The following ITPR1 variants were observed in gnomAD, a reference collection of about 807,000 sequenced individuals.
ITPR1 encodes inositol 1,4,5-trisphosphate receptor type 1.
Under a neutral mutation model 318.4 loss-of-function variants are expected in ITPR1, and 96 were observed. That is an observed-to-expected ratio of 0.30 (90% confidence interval 0.26 to 0.36). The LOEUF is 0.36. Among genes scored for constraint, ITPR1 ranks in the 10% least tolerant of loss-of-function variants. ITPR1 has a pLI of 1.00. For synonymous variants in ITPR1, 1,312 were observed against 1,289.9 expected (o/e 1.02, Z -0.37); for missense variants, 2,440 against 3,460.2 (o/e 0.71, Z 7.40).
At chr3:4,504,303 G>A (rs529358610) in intron 2 of ITPR1, among the ~76,000 whole-genome samples, 6 of 152,082 alleles carry the variant, frequency 3.9e-5, no homozygotes, top group African/African-American at 7.2e-5. Context: ...TGTGTGTTGC[G>A]GCGGGGGGAA....
chr3:4,695,774 C>T (rs911863676), intron 33 of ITPR1, among the ~76,000 whole-genome samples: 1 of 152,124 alleles, frequency 6.6e-6, no homozygotes, highest in Non-Finnish European at 1.5e-5. Context: ...TTGGAGCATT[C>T]CTTTCTATTG....
intron 4 of ITPR1, among the ~76,000 whole-genome samples, chr3:4,550,467 G>T (rs2085456532): frequency 6.6e-6 from 1 of 152,172 alleles, no homozygotes; most frequent in South Asian, 2.1e-4. Context: ...AATGATTGCA[G>T]ACTATTGTTA....
Position 4,667,238 on chromosome 3 carries a change from A to G in ITPR1, c.1714-139A>G, listed in dbSNP as rs565403216. ...CTGTTGCCCTAGGATAGAAAGTTGT[A>G]GGAAGACCCTCCCTTATACTGTAAT... On this transcript the variant is annotated intron_variant, in intron 17 of 61. Coordinates refer to ENST00000649015, the MANE Select transcript of ITPR1 (RefSeq NM_001378452.1). 32 of 539,532 alleles carry G rather than the reference A, an allele frequency of 5.9e-5. 1 individual carries two copies. Among genetic ancestry groups the G allele is most frequent in the East Asian group, 2.0e-4 (6 of 30,574 alleles). 33.4% of individuals were successfully genotyped at this position (539,532 alleles called of 1,614,324 possible). A position where few individuals can be genotyped will look rare whatever the true frequency, so the allele number is the denominator to read the frequency against.
chr3:4,637,653 G>A (rs1246650352), intron 5 of ITPR1, among the ~76,000 whole-genome samples: 1 of 152,190 alleles, frequency 6.6e-6, no homozygotes, highest in Non-Finnish European at 1.5e-5. Context: ...GTTTTAAAGA[G>A]CTGATACAGA....
chr3:4,721,694 T>C (rs956751628), intron 40 of ITPR1, among the ~76,000 whole-genome samples: 3 of 152,150 alleles, frequency 2.0e-5, no homozygotes, highest in African/African-American at 7.2e-5. Flanking sequence ...TTGCATTCGG[T>C]TTCTATCAGG....
intron 2 of ITPR1, among the ~76,000 whole-genome samples, chr3:4,501,352 A>G (rs1366040662): frequency 1.3e-5 from 2 of 152,222 alleles, no homozygotes; most frequent in African/African-American, 4.8e-5. Context: ...ACTGTACTAC[A>G]TCTTTGCCAC....
intron 4 of ITPR1, among the ~76,000 whole-genome samples, chr3:4,552,573 G>A (rs2085674406): frequency 6.6e-6 from 1 of 152,216 alleles, no homozygotes; most frequent in Admixed American, 6.5e-5. Context: ...TATCCTCCCA[G>A]TGGGTGGATG....
chr3:4,687,027 T>C (rs1159729052), intron 30 of ITPR1, among the ~76,000 whole-genome samples: 1 of 152,244 alleles, frequency 6.6e-6, no homozygotes, highest in Non-Finnish European at 1.5e-5. Context: ...TTGTCAAAGC[T>C]GGGAGCTCAC....
At chr3:4,605,793 G>C (rs1159103649) in intron 4 of ITPR1, among the ~76,000 whole-genome samples, 1 of 152,184 alleles carries the variant, frequency 6.6e-6, no homozygotes, top group Non-Finnish European at 1.5e-5. Flanking sequence ...CTGAGGCCTA[G>C]AGTGTGAAGC....
At chr3:4,559,794 G>C (rs555836334) in intron 4 of ITPR1, among the ~76,000 whole-genome samples, 1 of 152,340 alleles carries the variant, frequency 6.6e-6, no homozygotes, top group East Asian at 1.9e-4. Flanking sequence ...AGGGAGATTA[G>C]GTAACTTTGT....
At chr3:4,646,817 A>G (rs377494274) in intron 10 of ITPR1, among the ~76,000 whole-genome samples, 1 of 152,276 alleles carries the variant, frequency 6.6e-6, no homozygotes, top group African/African-American at 2.4e-5. Context: ...AGCATGAATT[A>G]GAATTCTAAT....
At chr3:4,725,000 C>T (rs959311356) in intron 40 of ITPR1, among the ~76,000 whole-genome samples, 6 of 152,144 alleles carry the variant, frequency 3.9e-5, no homozygotes, top group African/African-American at 1.4e-4. Flanking sequence ...ACTGCATCCC[C>T]TAAGCCCAAG....
intron 26 of ITPR1, among the ~76,000 whole-genome samples, chr3:4,682,004 A>G (rs192688915): frequency 3.9e-5 from 6 of 152,322 alleles, no homozygotes; most frequent in Admixed American, 6.5e-5. Flanking sequence ...TGGTATAAAC[A>G]CCATATGCAC....
intron 30 of ITPR1, among the ~76,000 whole-genome samples, chr3:4,686,667 A>T (rs2094400392): frequency 6.6e-6 from 1 of 152,126 alleles, no homozygotes; most frequent in Non-Finnish European, 1.5e-5. Context: ...TTGCTTTTGG[A>T]TGGGCACAGA....
intron 4 of ITPR1, among the ~76,000 whole-genome samples, chr3:4,606,456 A>G (rs376510743): frequency 1.3e-5 from 2 of 152,156 alleles, no homozygotes; most frequent in African/African-American, 4.8e-5. Context: ...GGTTAAGGTG[A>G]TGCCTGGAAG....
intron 44 of ITPR1, chr3:4,749,609 G>C (rs1286169095): frequency 1.3e-5 from 2 of 152,196 alleles, no homozygotes; most frequent in African/African-American, 4.8e-5. Flanking sequence ...CTGTTTGAAA[G>C]TCCTCTCAGT....
chr3:4,699,497 C>G (rs564533287), intron 34 of ITPR1, among the ~76,000 whole-genome samples: 17 of 152,264 alleles, frequency 1.1e-4, no homozygotes, highest in African/African-American at 3.6e-4. Flanking sequence ...TTTAAGACAC[C>G]TGTAGTCACT....
At chr3:4,582,239 A>G (rs924726511) in intron 4 of ITPR1, among the ~76,000 whole-genome samples, 8 of 152,100 alleles carry the variant, frequency 5.3e-5, no homozygotes, top group African/African-American at 1.9e-4. Context: ...CTCTCCCCTT[A>G]GCATATGCGC....
At chr3:4,778,680 GT>G (rs2046630373) in intron 48 of ITPR1, among the ~76,000 whole-genome samples, 1 of 152,168 alleles carries the variant, frequency 6.6e-6, no homozygotes, top group East Asian at 1.9e-4. Context: ...ATAAACAGAA[GT>G]TCATGTGCTC....
Sources: allele counts gnomAD v4.1 joint callset (sites outside exome capture counted in the v4.1 genomes callset), GRCh38; gene constraint gnomAD v4.1.1; transcripts MANE v1.5; gene names NCBI Gene and HGNC (gene_info 2026-07-23, HGNC 2026-07-21).